USP32: variants seen among roughly 807,000 people sequenced by gnomAD.
The protein encoded by USP32 is ubiquitin specific peptidase 32.
In USP32, 59 loss-of-function variants were observed where a neutral mutation model predicts 204.8. The ratio of observed to expected loss-of-function variants is 0.29; its 90% CI spans 0.23 to 0.36. USP32 has a LOEUF of 0.36. Ranked by LOEUF, USP32 falls within the 10% of genes least tolerant of loss-of-function variation. The pLI is 1.00. For synonymous variants in USP32, 517 were observed against 678.4 expected (o/e 0.76, Z 3.70); for missense variants, 1,160 against 1,946.4 (o/e 0.60, Z 7.60).
At chr17:60,330,492 T>TTCTTTCTC (rs1024564540) in intron 2 of USP32, among the ~76,000 whole-genome samples, 1 of 151,054 alleles carries the variant, frequency 6.6e-6, no homozygotes, top group Non-Finnish European at 1.5e-5. Context: ...CCTTTCCTTT[T>TTCTTTCTC]TCTTTCTCTC....
At chr17:60,230,288 C>A (rs1221877297) in intron 12 of USP32, among the ~76,000 whole-genome samples, 2 of 152,062 alleles carry the variant, frequency 1.3e-5, no homozygotes, top group Non-Finnish European at 2.9e-5. Flanking sequence ...TTACATGGTG[C>A]CTATGTTTCT....
chr17:60,339,229 T>C (rs1334752313), intron 2 of USP32, among the ~76,000 whole-genome samples: 1 of 151,822 alleles, frequency 6.6e-6, no homozygotes, highest in Non-Finnish European at 1.5e-5. Flanking sequence ...CATAAAAATA[T>C]TAAGTACACT....
chr17:60,398,367 C>T (rs1302620473), intron 1 of USP32, among the ~76,000 whole-genome samples: 2 of 151,888 alleles, frequency 1.3e-5, no homozygotes, highest in Non-Finnish European at 2.9e-5. Flanking sequence ...TGCACTCAAG[C>T]CTGGGCAACA....
intron 27 of USP32, 29 bp downstream of exon 27, chr17:60,198,231 A>G (rs1468378901): frequency 1.2e-6 from 2 of 1,601,938 alleles, no homozygotes; most frequent in African/African-American, 2.7e-5. Context: ...TTTGGAAACC[A>G]CAGGTTTAGA....
chr17:60,400,440 C>T (rs1393974857), intron 1 of USP32, among the ~76,000 whole-genome samples: 1 of 152,050 alleles, frequency 6.6e-6, no homozygotes, highest in African/African-American at 2.4e-5. Flanking sequence ...GAAAGAACAG[C>T]CAACAGGATT....
intron 4 of USP32, among the ~76,000 whole-genome samples, chr17:60,291,434 C>T (rs1378088298): frequency 6.6e-6 from 1 of 152,030 alleles, no homozygotes; most frequent in Admixed American, 6.6e-5. Flanking sequence ...TCTGTCAAGG[C>T]TAATAATAAA....
intron 12 of USP32, among the ~76,000 whole-genome samples, chr17:60,227,522 G>A (rs1181726201): frequency 6.6e-6 from 1 of 151,324 alleles, no homozygotes; most frequent in East Asian, 1.9e-4. Context: ...TGCCCGCCTG[G>A]GCCTCCCAAA....
intron 4 of USP32, among the ~76,000 whole-genome samples, chr17:60,293,854 GCA>G (rs1225474187): frequency 0.018 from 2,777 of 152,228 alleles, 78 homozygotes; most frequent in African/African-American, 0.063. Context: ...AAGAAAATGG[GCA>G]GCACTGAGTG....
chr17:60,351,463 C>A (rs2088946480), intron 1 of USP32, among the ~76,000 whole-genome samples: 1 of 150,944 alleles, frequency 6.6e-6, no homozygotes, highest in South Asian at 2.1e-4. Context: ...GAGATGGAGT[C>A]TCACTCCGTC....
At chr17:60,392,634 A>G, upstream of USP32, 1 of 451,206 alleles carries the variant, frequency 2.2e-6, no homozygotes, top group Non-Finnish European at 4.5e-6. Context: ...CTCAGAAGAG[A>G]AAGGAGTGGG....
chr17:60,358,128 T>C (rs1187642960), intron 1 of USP32, among the ~76,000 whole-genome samples: 8 of 152,178 alleles, frequency 5.3e-5, no homozygotes, highest in East Asian at 3.8e-4. Flanking sequence ...AGCATTCCCA[T>C]AGTATTGTTT....
At chr17:60,379,167 T>A (rs2089604706) in intron 1 of USP32, among the ~76,000 whole-genome samples, 2 of 152,156 alleles carry the variant, frequency 1.3e-5, no homozygotes, top group Admixed American at 1.3e-4. Context: ...CTCAAAGATA[T>A]GAGAAAAGCT....
At chr17:60,362,334 C>T (rs1172928522) in intron 1 of USP32, among the ~76,000 whole-genome samples, 1 of 152,186 alleles carries the variant, frequency 6.6e-6, no homozygotes, top group Non-Finnish European at 1.5e-5. Context: ...CAACCAGTAA[C>T]AATTTATAAA....
chr17:60,281,227 G>T (rs1435532848), intron 5 of USP32, among the ~76,000 whole-genome samples: 1 of 152,058 alleles, frequency 6.6e-6, no homozygotes, highest in African/African-American at 2.4e-5. Flanking sequence ...AATATAAGAG[G>T]ATGCATATTC....
intron 1 of USP32, among the ~76,000 whole-genome samples, chr17:60,417,950 C>T (rs372593471): frequency 3.4e-5 from 5 of 146,298 alleles, no homozygotes; most frequent in South Asian, 4.3e-4. Context: ...CCACCACGTC[C>T]GGCTAATCTT....
intron 1 of USP32, among the ~76,000 whole-genome samples, chr17:60,385,784 G>A (rs1275507203): frequency 6.6e-6 from 1 of 151,350 alleles, no homozygotes; most frequent in African/African-American, 2.4e-5. Flanking sequence ...AGAGGTTGCA[G>A]TGAGCCAAGA....
chr17:60,245,599 T>A, intron 11 of USP32: 1 of 318,920 alleles, frequency 3.1e-6, no homozygotes, highest in Non-Finnish European at 6.0e-6. Context: ...AAATTCTTGG[T>A]TCTCTTTTTG....
intron 2 of USP32, among the ~76,000 whole-genome samples, chr17:60,321,374 G>A (rs1040822848): frequency 2.6e-5 from 4 of 152,098 alleles, no homozygotes; most frequent in African/African-American, 9.7e-5. Flanking sequence ...GATGCCCTGA[G>A]CCCATCATTA....
At chr17:60,265,376 T>C (rs966678032) in intron 9 of USP32, 36 bp downstream of exon 9, 18 of 1,449,508 alleles carry the variant, frequency 1.2e-5, no homozygotes, top group Non-Finnish European at 1.7e-5. Context: ...ACATGATATT[T>C]TTAGAAAAAG....
Sources: allele counts gnomAD v4.1 joint callset (sites outside exome capture counted in the v4.1 genomes callset), GRCh38; gene constraint gnomAD v4.1.1; transcripts MANE v1.5; gene names NCBI Gene and HGNC (gene_info 2026-07-23, HGNC 2026-07-21).